SPOCK2: variants seen among roughly 807,000 people sequenced by gnomAD.
SPOCK2 encodes SPARC (osteonectin), cwcv and kazal like domains proteoglycan 2.
SPOCK2 carries 39 observed loss-of-function variants against 60.1 expected under a neutral mutation model. The observed-to-expected ratio is 0.65, with a 90% confidence interval of 0.50 to 0.85. The LOEUF is 0.85. SPOCK2 is among the 40% of genes least tolerant of loss of function. The probability of loss-of-function intolerance (pLI) is 0.00; values close to 1 mark genes in which losing one functional copy is unlikely to be tolerated. For missense variants in SPOCK2, 523 were observed against 567.4 expected, an observed-to-expected ratio of 0.92 and a Z score of 0.80; for synonymous variants, 217 against 231.5, an observed-to-expected ratio of 0.94 and a Z score of 0.57.
intron 1 of SPOCK2, among the ~76,000 whole-genome samples, chr10:72,080,178 C>A (rs1382601270): frequency 6.6e-6 from 1 of 152,152 alleles, no homozygotes; most frequent in Non-Finnish European, 1.5e-5. Context: ...GACACACAGC[C>A]AGAGGCACAG....
At chr10:72,071,000 C>T (rs986220185) in intron 4 of SPOCK2, among the ~76,000 whole-genome samples, 1 of 152,096 alleles carries the variant, frequency 6.6e-6, no homozygotes, top group African/African-American at 2.4e-5. Context: ...CAGAGTGGCC[C>T]GTGACCAAGC....
chr10:72,063,172 A>G lies in SPOCK2; in HGVS notation c.992-10T>C, dbSNP rs1476975324. On this transcript the variant is annotated splice_polypyrimidine_tract_variant and intron_variant, in intron 9 of 10. Coordinates refer to ENST00000373109, the MANE Select transcript of SPOCK2 (RefSeq NM_001244950.2). ...CTCGGGATGAAGATGCCTGAATGAG[A>G]CAGTGCCAGGCAGGGTCAGAGCAGG... is the stretch of plus-strand genomic sequence containing the variant. 1 of 1,555,622 alleles carries G rather than the reference A, an allele frequency of 6.4e-7. No homozygotes were observed. Among genetic ancestry groups the G allele is most frequent in the Admixed American group, 1.9e-5 (1 of 51,690 alleles).
At chr10:72,066,778 T>C in intron 8 of SPOCK2, 124 bp downstream of exon 8, 1 of 1,099,240 alleles carries the variant, frequency 9.1e-7, no homozygotes, top group South Asian at 1.5e-5. Context: ...GTGGGCAAGC[T>C]GGGAAAGTGC....
In SPOCK2 at chr10:72,087,095, G is replaced by A. The variant is rs116647814; in HGVS notation, c.189+1045C>T. 1.3e-3 allele frequency: 1,706 copies of A among 1,320,176 alleles called. 18 individuals carry two copies. The African/African-American group carries it at 0.022, about 17-fold the overall frequency. The allele number at this position is 1,320,176 out of a possible 1,614,324, so 81.8% of individuals were successfully genotyped here. ...AGGAGCAGCCGGCGTCGCCTCTGGC[G>A]CATCCGGGCCCATCCCCCACAGCAC... On this transcript the variant is annotated intron_variant, in intron 1 of 10. Transcript: ENST00000373109. The surrounding 1 kb of genome is among the most constrained non-coding windows in gnomAD (Gnocchi z 4.7).
chr10:72,072,676 GA>G, intron 2 of SPOCK2, 128 bp from the exon 3 acceptor site: 1 of 1,439,834 alleles, frequency 6.9e-7, no homozygotes, highest in Non-Finnish European at 9.6e-7. Flanking sequence ...CCTGGTGGCT[GA>G]CCCCTGTCCA....
chr10:72,069,452 C>G (rs1250606117), intron 5 of SPOCK2, among the ~76,000 whole-genome samples: 2 of 151,838 alleles, frequency 1.3e-5, no homozygotes, highest in Non-Finnish European at 2.9e-5. Flanking sequence ...TTATCAGCAC[C>G]TGCATTTCTA....
In SPOCK2 at chr10:72,059,280, T is replaced by C. The variant is rs1165490106; in HGVS notation, c.*3480A>G. ...CACACGCACACAGTCTAACACTTTG[T>C]TTTTCAATTTTTTAAAAGACATCTA... On this transcript the variant is annotated 3_prime_UTR_variant, in exon 11 of 11. Coordinates refer to ENST00000373109, the MANE Select transcript of SPOCK2 (RefSeq NM_001244950.2). 1.3e-5 allele frequency: 2 copies of C among 152,586 alleles called. No homozygotes were observed. The highest frequency in any genetic ancestry group is 2.9e-5 in the Non-Finnish European group (2 of 68,042). The allele number at this position is 152,586 out of a possible 1,614,324, so 9.5% of individuals were successfully genotyped here.
At chr10:72,081,914 T>G (rs1227612815) in intron 1 of SPOCK2, among the ~76,000 whole-genome samples, 1 of 152,160 alleles carries the variant, frequency 6.6e-6, no homozygotes, top group Non-Finnish European at 1.5e-5. Context: ...AGATCCTGTC[T>G]GGCTCTAACA....
Position 72,088,460 on chromosome 10 carries a change from CGGAGA to C in SPOCK2, c.-137_-133del. On this transcript the variant is annotated 5_prime_UTR_variant, in exon 1 of 11. Coordinates refer to ENST00000373109, the MANE Select transcript of SPOCK2 (RefSeq NM_001244950.2). ...CCCGCGGTCTGCCTCCGGTGACTGG[CGGAGA>C]GTGGGTCGCGGCTGAAATGTGACCT... is the stretch of plus-strand genomic sequence containing the variant. 9.0e-7 allele frequency: 1 copy of C among 1,105,112 alleles called. No homozygotes were observed. The highest frequency in any genetic ancestry group is 1.2e-6 in the Non-Finnish European group (1 of 802,094). 68.5% of individuals were successfully genotyped at this position (1,105,112 alleles called of 1,614,324 possible).
In SPOCK2 at chr10:72,061,254, G is replaced by A. The variant is rs896075092; in HGVS notation, c.*1506C>T. The stretch of plus-strand genomic sequence containing the variant: ...GATGAGCTCACACTGCTCAGGGGAT[G>A]TTGGGGAACAGCGAGGTGTGAGGTG... On this transcript the variant is annotated 3_prime_UTR_variant, in exon 11 of 11. Coordinates refer to ENST00000373109, the MANE Select transcript of SPOCK2 (RefSeq NM_001244950.2). 4 of 152,364 alleles carry A rather than the reference G, an allele frequency of 2.6e-5. No homozygotes were observed. Among genetic ancestry groups the A allele is most frequent in the Admixed American group, 6.5e-5 (1 of 15,284 alleles). The allele number at this position is 152,364 out of a possible 1,614,324, so 9.4% of individuals were successfully genotyped here.
chr10:72,061,832 G>A lies in SPOCK2; in HGVS notation c.*928C>T, dbSNP rs1840495356. ...GAGAAAAGGGACAGGCTATTCCAGG[G>A]TCTAGGATTCAGAGCTGCCCCATCT... On this transcript the variant is annotated 3_prime_UTR_variant, in exon 11 of 11. Coordinates refer to ENST00000373109, the MANE Select transcript of SPOCK2 (RefSeq NM_001244950.2). The A allele has an allele frequency of 6.6e-6, 1 of 152,574 alleles. No homozygotes were observed. Among genetic ancestry groups the A allele is most frequent in the Non-Finnish European group, 1.5e-5 (1 of 68,298 alleles). 9.5% of individuals were successfully genotyped at this position (152,574 alleles called of 1,614,324 possible). A position where few individuals can be genotyped will look rare whatever the true frequency, so the allele number is the denominator to read the frequency against.
At position 72,088,301 on chromosome 10, in the gene SPOCK2, C is replaced by A; in HGVS notation, c.28G>T (p.Val10Leu). The A allele has an allele frequency of 1.3e-6, 2 of 1,591,626 alleles. No homozygotes were observed. Among genetic ancestry groups the A allele is most frequent in the South Asian group, 1.1e-5 (1 of 89,400 alleles). MRAPGCGRL[V>L]LPLLLLAAAA... ...GCGGCCAGGAGCAGCAGCGGCAGCA[C>A]CAGCCGCCCGCAGCCCGGGGCGCGC... is the stretch of plus-strand genomic sequence containing the variant. Residue 10 changes from valine to leucine, a missense_variant, in exon 1 of 11, where the codon GTG becomes TTG. Val to Leu is a conservative substitution (Grantham distance 32). Coordinates refer to ENST00000373109, the MANE Select transcript of SPOCK2 (RefSeq NM_001244950.2).
At chr10:72,074,747 C>G (rs543405553) in intron 1 of SPOCK2, among the ~76,000 whole-genome samples, 1 of 152,180 alleles carries the variant, frequency 6.6e-6, no homozygotes, top group Admixed American at 6.5e-5. Flanking sequence ...AGACTGCTCC[C>G]GTGAGAGCCC....
Position 72,088,058 on chromosome 10 carries a change from G to A in SPOCK2, c.189+82C>T, listed in dbSNP as rs556145761. On this transcript the variant is annotated intron_variant, in intron 1 of 10. Transcript: ENST00000373109. Reference sequence around the variant, plus strand: ...TGCGGAGCCTCGGGCTGCGACGTGCGGCGGCCGCTCCCGCAGACCCCGGAG... The same window carrying A: ...TGCGGAGCCTCGGGCTGCGACGTGCAGCGGCCGCTCCCGCAGACCCCGGAG... 1.2e-5 allele frequency: 18 copies of A among 1,536,152 alleles called. No homozygotes were observed. The East Asian group carries it at 1.9e-4, about 16-fold the overall frequency.
intron 8 of SPOCK2, among the ~76,000 whole-genome samples, chr10:72,066,646 A>G (rs1280786060): frequency 6.6e-6 from 1 of 152,068 alleles, no homozygotes; most frequent in African/African-American, 2.4e-5. Flanking sequence ...GAAGACCTCC[A>G]AAAGTATATA....
rs1385518332 is a variant in SPOCK2 at position 72,087,892 on chromosome 10, G to C, written c.189+248C>G. On this transcript the variant is annotated intron_variant, in intron 1 of 10. Coordinates refer to ENST00000373109, the MANE Select transcript of SPOCK2 (RefSeq NM_001244950.2). This position sits in a 1 kb window ranked among gnomAD's most constrained non-coding sequence, Gnocchi z 4.7. Reference sequence around the variant, plus strand: ...GGGAGACCCCGGAGCGCGCGACCCCGGAGCGTCGGGCAGGTGTGGAGCTGG... The same window carrying C: ...GGGAGACCCCGGAGCGCGCGACCCCCGAGCGTCGGGCAGGTGTGGAGCTGG... Among the ~76,000 whole-genome samples, 1 of 151,912 alleles carries C rather than the reference G, an allele frequency of 6.6e-6. No homozygotes were observed. Among genetic ancestry groups the C allele is most frequent in the Non-Finnish European group, 1.5e-5 (1 of 67,918 alleles).
intron 1 of SPOCK2, among the ~76,000 whole-genome samples, chr10:72,077,703 C>T (rs376379398): frequency 1.7e-4 from 26 of 152,314 alleles, no homozygotes; most frequent in East Asian, 1.5e-3. Flanking sequence ...TCACACAAAG[C>T]GATACAAGGT....
At chr10:72,073,220 T>TCCGAGGTGC (rs1229168727) in intron 1 of SPOCK2, among the ~76,000 whole-genome samples, 1 of 152,170 alleles carries the variant, frequency 6.6e-6, no homozygotes, top group African/African-American at 2.4e-5. Context: ...AGGACAGATG[T>TCCGAGGTGC]CCGAGGTGCC....
Position 72,088,275 on chromosome 10 carries a change from C to A in SPOCK2, c.54G>T (p.Ala18=). ...RLVLPLLLLA[A]AALAEGDAKG... is the part of the protein sequence containing the mutation. ...TGGCGTCGCCTTCGGCCAGGGCTGC[C>A]GCGGCCAGGAGCAGCAGCGGCAGCA... Residue 18 remains alanine (A), a synonymous_variant, in exon 1 of 11, where the codon GCG becomes GCT. Coordinates refer to ENST00000373109, the MANE Select transcript of SPOCK2 (RefSeq NM_001244950.2). 1 of 1,605,232 alleles carries A rather than the reference C, an allele frequency of 6.2e-7. No individual in the cohort carries two copies.
Sources: allele counts gnomAD v4.1 joint callset (sites outside exome capture counted in the v4.1 genomes callset), GRCh38; gene constraint gnomAD v4.1.1; non-coding constraint Gnocchi (gnomAD v3.1); transcripts MANE v1.5; gene names NCBI Gene and HGNC (gene_info 2026-07-23, HGNC 2026-07-21).